Variants in CCDC192 observed in about 807,000 individuals in gnomAD.
The protein encoded by CCDC192 is coiled-coil domain-containing protein 192.
intron 6 of CCDC192, among the ~76,000 whole-genome samples, chr5:127,877,161 G>T (rs1275150683): frequency 6.6e-6 from 1 of 151,908 alleles, no homozygotes; most frequent in Non-Finnish European, 1.5e-5. Flanking sequence ...ATATATAATC[G>T]CAAGGTCTCT....
At chr5:127,768,005 G>C (rs183467269) in intron 3 of CCDC192, among the ~76,000 whole-genome samples, 1 of 152,258 alleles carries the variant, frequency 6.6e-6, no homozygotes, top group East Asian at 1.9e-4. Context: ...TGTAATCCCA[G>C]CACTTTGGGA....
chr5:127,847,554 A>G (rs369809613), intron 5 of CCDC192, among the ~76,000 whole-genome samples: 1 of 152,198 alleles, frequency 6.6e-6, no homozygotes, highest in Non-Finnish European at 1.5e-5. Flanking sequence ...CAAAATAGCT[A>G]TATGTCATTT....
At chr5:127,861,635 C>T (rs1470680793) in intron 5 of CCDC192, among the ~76,000 whole-genome samples, 2 of 152,034 alleles carry the variant, frequency 1.3e-5, no homozygotes, top group African/African-American at 4.8e-5. Context: ...AACCTGGCGA[C>T]AAAGCGAGAC....
At chr5:127,914,653 A>T (rs148424585) in intron 6 of CCDC192, among the ~76,000 whole-genome samples, 1 of 152,324 alleles carries the variant, frequency 6.6e-6, no homozygotes, top group East Asian at 1.9e-4. Flanking sequence ...GGAAGATGGA[A>T]GACTTTGATT....
intron 6 of CCDC192, among the ~76,000 whole-genome samples, chr5:127,912,616 G>A (rs1265152843): frequency 6.6e-6 from 1 of 152,064 alleles, no homozygotes; most frequent in African/African-American, 2.4e-5. Context: ...TCTTATCAGA[G>A]GTGGATTCCT....
chr5:127,935,519 AC>A (rs1293246431), intron 6 of CCDC192: 4 of 152,208 alleles, frequency 2.6e-5, no homozygotes, highest in African/African-American at 9.7e-5. Context: ...GCCCTGCATC[AC>A]TGTTTACAGA....
chr5:127,929,231 C>T (rs777162753), intron 6 of CCDC192, among the ~76,000 whole-genome samples: 34 of 152,126 alleles, frequency 2.2e-4, no homozygotes, highest in Non-Finnish European at 3.8e-4. Context: ...GTGAACCTGC[C>T]GCTGCTGTAG....
intron 2 of CCDC192, among the ~76,000 whole-genome samples, chr5:127,722,956 G>A (rs79200265): frequency 1.7e-3 from 255 of 152,040 alleles, no homozygotes; most frequent in African/African-American, 5.8e-3. Flanking sequence ...TTATGGTTCC[G>A]CACAAATCTT....
intron 5 of CCDC192, among the ~76,000 whole-genome samples, chr5:127,826,056 A>C (rs1388093086): frequency 6.6e-6 from 1 of 152,208 alleles, no homozygotes; most frequent in African/African-American, 2.4e-5. Context: ...TTGGTTGATG[A>C]GTATTAGCAT....
intron 5 of CCDC192, among the ~76,000 whole-genome samples, chr5:127,839,722 C>T (rs867076814): frequency 3.3e-5 from 5 of 152,066 alleles, no homozygotes; most frequent in African/African-American, 1.2e-4. Flanking sequence ...GTTAACTTCT[C>T]TGAGCTGTGT....
At chr5:127,717,992 A>G (rs1751739239) in intron 2 of CCDC192, among the ~76,000 whole-genome samples, 1 of 151,970 alleles carries the variant, frequency 6.6e-6, no homozygotes, top group Middle Eastern at 3.4e-3. Flanking sequence ...ATTAAATCTA[A>G]GAAGGAAGCA....
At chr5:127,915,717 C>A (rs1203619813) in intron 6 of CCDC192, among the ~76,000 whole-genome samples, 1 of 150,238 alleles carries the variant, frequency 6.7e-6, no homozygotes, top group Non-Finnish European at 1.5e-5. Context: ...CATGAGATTT[C>A]TTTTGCAATT....
At chr5:127,743,298 T>C (rs1230869679) in intron 2 of CCDC192, among the ~76,000 whole-genome samples, 1 of 152,200 alleles carries the variant, frequency 6.6e-6, no homozygotes, top group Non-Finnish European at 1.5e-5. Context: ...AGGGCACCCG[T>C]ACTTCCAGGA....
At chr5:127,713,866 C>T (rs979372461) in intron 2 of CCDC192, among the ~76,000 whole-genome samples, 4 of 152,110 alleles carry the variant, frequency 2.6e-5, no homozygotes, top group Non-Finnish European at 5.9e-5. Flanking sequence ...CATTAAAAAT[C>T]CTCTTTTCTA....
intron 3 of CCDC192, among the ~76,000 whole-genome samples, chr5:127,789,119 A>T (rs1756726472): frequency 6.6e-6 from 1 of 152,242 alleles, no homozygotes. Context: ...TTAAGTCACC[A>T]AGCCTGTGAT....
chr5:127,746,735 G>A (rs554610391), intron 2 of CCDC192, among the ~76,000 whole-genome samples: 100 of 151,676 alleles, frequency 6.6e-4, no homozygotes, highest in African/African-American at 2.3e-3. Flanking sequence ...CTCCCCTAAT[G>A]GCAAACTTTT....
At chr5:127,906,122 C>T (rs1580814022) in intron 6 of CCDC192, among the ~76,000 whole-genome samples, 1 of 152,178 alleles carries the variant, frequency 6.6e-6, no homozygotes, top group African/African-American at 2.4e-5. Flanking sequence ...TCACCGCCAC[C>T]ATCCACCTCC....
intron 5 of CCDC192, among the ~76,000 whole-genome samples, chr5:127,807,404 T>C (rs966150830): frequency 2.6e-5 from 4 of 152,176 alleles, no homozygotes; most frequent in Non-Finnish European, 5.9e-5. Context: ...CCATGGTCAA[T>C]GTCTTCTTAA....
chr5:127,753,547 T>C (rs1754371567), intron 2 of CCDC192, among the ~76,000 whole-genome samples: 1 of 151,994 alleles, frequency 6.6e-6, no homozygotes, highest in Non-Finnish European at 1.5e-5. Context: ...AATATAAAAA[T>C]TATCCAGGCA....
Sources: allele counts gnomAD v4.1 joint callset (sites outside exome capture counted in the v4.1 genomes callset), GRCh38; gene constraint gnomAD v4.1.1; transcripts MANE v1.5; gene names NCBI Gene and HGNC (gene_info 2026-07-23, HGNC 2026-07-21).